NDUFV1: variants seen among roughly 807,000 people sequenced by gnomAD.
The protein encoded by NDUFV1 is NADH:ubiquinone oxidoreductase core subunit V1.
NDUFV1 carries 41 observed loss-of-function variants against 48.7 expected under a neutral mutation model. That is an observed-to-expected ratio of 0.84 (90% confidence interval 0.66 to 1.09). The LOEUF is 1.09. NDUFV1 is among the 50% of genes least tolerant of loss of function. The pLI, the probability that NDUFV1 is intolerant of heterozygous loss-of-function variation, is 0.00. For missense variants in NDUFV1, 580 were observed against 645.4 expected, an observed-to-expected ratio of 0.90 and a Z score of 1.10; for synonymous variants, 231 against 259.1, an observed-to-expected ratio of 0.89 and a Z score of 1.04.
chr11:67,607,584 C>A, intron 1 of NDUFV1: 2 of 431,346 alleles, frequency 4.6e-6, no homozygotes, highest in East Asian at 7.1e-5. Context: ...ATTTCTTTCC[C>A]ATCAGTAAAC....
chr11:67,609,753 G>A (rs1854878396), intron 4 of NDUFV1, 118 bp downstream of exon 4: 1 of 1,233,074 alleles, frequency 8.1e-7, no homozygotes, highest in South Asian at 1.2e-5. Flanking sequence ...TGAACTGGGG[G>A]AGTGGTGGCC....
In NDUFV1 at chr11:67,611,850, G is replaced by C; in HGVS notation, c.1081-47G>C. The C allele has an allele frequency of 1.2e-6, 2 of 1,603,812 alleles. No homozygotes were observed. Among genetic ancestry groups the C allele is most frequent in the East Asian group, 4.5e-5 (2 of 44,774 alleles). ...CTGCTGCTAGGGGGCTGAGGCCCAG[G>C]CTTCTGTCTGGCCGTGGGTGCCTGC... is the stretch of plus-strand genomic sequence containing the variant. On this transcript the variant is annotated intron_variant, in intron 7 of 9. Coordinates refer to ENST00000322776, the MANE Select transcript of NDUFV1 (RefSeq NM_007103.4). This position sits in a 1 kb window ranked among gnomAD's most constrained non-coding sequence, Gnocchi z 4.2.
Position 67,608,561 on chromosome 11 carries a change from T to C in NDUFV1, c.165T>C (p.Gly55=). ...LYGRHDWRLK[G]SLSRGDWYKT... ...TCCCTATTCTGTCCAGGCTGAAAGG[T>C]TCCCTGAGTCGAGGTGACTGGTACA... is the stretch of plus-strand genomic sequence containing the variant. The change falls in exon 3 of 10, where the codon GGT becomes GGC. Residue 55 remains glycine (G), a synonymous_variant. Transcript: ENST00000322776. 5 of 1,614,126 alleles carry C rather than the reference T, an allele frequency of 3.1e-6. No homozygotes were observed. Among genetic ancestry groups the C allele is most frequent in the Non-Finnish European group, 4.2e-6 (5 of 1,180,014 alleles).
chr11:67,612,340 T>C lies in NDUFV1; in HGVS notation c.1309-32T>C. ...CCAGGGTGTTGGGGGATTTTTGGAC[T>C]CTGTTTCACATGGTCCCCCCACCGA... On this transcript the variant is annotated intron_variant, in intron 9 of 9. Coordinates refer to ENST00000322776, the MANE Select transcript of NDUFV1 (RefSeq NM_007103.4). This position sits in a 1 kb window ranked among gnomAD's most constrained non-coding sequence, Gnocchi z 4.4. The C allele has an allele frequency of 6.2e-7, 1 of 1,613,826 alleles. No homozygotes were observed. Among genetic ancestry groups the C allele is most frequent in the Non-Finnish European group, 8.5e-7 (1 of 1,179,894 alleles).
chr11:67,607,713 T>G (rs7948073), intron 1 of NDUFV1: 149,250 of 348,420 alleles, frequency 0.43, 33,723 homozygotes, highest in African/African-American at 0.59. Flanking sequence ...CTTGTGGGGC[T>G]GTGTGGTGCC....
chr11:67,611,964 C>CCCCA lies in NDUFV1; in HGVS notation c.1149_1152dup (p.Cys385ProfsTer4). Reference sequence around the variant, plus strand: ...AAGCACGAGAGCTGTGGCCAGTGTACCCCATGCCGTGAGGGTGAGCATCGG... The same window carrying CCCCA: ...AAGCACGAGAGCTGTGGCCAGTGTACCCCACCCATGCCGTGAGGGTGAGCATCGG... On this transcript the variant is annotated frameshift_variant, in exon 8 of 10. Transcript: ENST00000322776. LOFTEE classifies it high-confidence loss of function. The surrounding 1 kb of genome is among the most constrained non-coding windows in gnomAD (Gnocchi z 4.2). 6.2e-7 allele frequency: 1 copy of CCCCA among 1,613,984 alleles called. No homozygotes were observed. Among genetic ancestry groups the CCCCA allele is most frequent in the South Asian group, 1.1e-5 (1 of 91,080 alleles).
In NDUFV1 at chr11:67,609,589, A is replaced by G. The variant is rs1430606151; in HGVS notation, c.464A>G (p.Tyr155Cys). 14 of 1,610,608 alleles carry G rather than the reference A, an allele frequency of 8.7e-6. No individual in the cohort carries two copies. Among genetic ancestry groups the G allele is most frequent in the Admixed American group, 3.3e-5 (2 of 60,006 alleles). The change falls in exon 4 of 10, where the codon TAT becomes TGT. Residue 155 changes from tyrosine to cysteine, a missense_variant. Coordinates refer to ENST00000322776, the MANE Select transcript of NDUFV1 (RefSeq NM_007103.4). ...GGRAMGARAAYIYIRGEFYNE... is the reference protein window; with the variant it reads ...GGRAMGARAACIYIRGEFYNE... ...CGGGCCATGGGCGCCCGCGCTGCCT[A>G]TATCTACATCCGAGGGGAATTCTAC...
In NDUFV1 at chr11:67,611,905, C is replaced by T. The variant is rs569662332; in HGVS notation, c.1089C>T (p.Ile363=). The T allele has an allele frequency of 2.5e-5, 41 of 1,614,016 alleles. No individual in the cohort carries two copies. The highest frequency in any genetic ancestry group is 2.4e-4 in the South Asian group (22 of 91,078). ...AVIVMDRSTD[I]VKAIARLIEF... is the part of the protein sequence containing the mutation. Reference sequence around the variant, plus strand: ...TGCCCCTCGTCACCCAGACGGACATCGTGAAAGCCATCGCCCGCCTCATTG... The same window carrying T: ...TGCCCCTCGTCACCCAGACGGACATTGTGAAAGCCATCGCCCGCCTCATTG... The change falls in exon 8 of 10, where the codon ATC becomes ATT. Residue 363 remains isoleucine, a synonymous_variant. Transcript: ENST00000322776. This position sits in a 1 kb window ranked among gnomAD's most constrained non-coding sequence, Gnocchi z 4.2.
Position 67,610,457 on chromosome 11 carries a change from T to C in NDUFV1, c.587T>C (p.Phe196Ser), listed in dbSNP as rs1484696319. The change falls in exon 5 of 10, where the codon TTT becomes TCT. Residue 196 changes from phenylalanine (F) to serine (S), a missense_variant. Coordinates refer to ENST00000322776, the MANE Select transcript of NDUFV1 (RefSeq NM_007103.4). Reference protein sequence around the residue: ...ACGSGYDFDVFVVRGAGAYIC... With the variant: ...ACGSGYDFDVSVVRGAGAYIC... Reference sequence around the variant, plus strand: ...GGCTCTGGCTATGATTTTGACGTGTTTGTGGTGCGCGGGGCTGGGGCCTAC... The same window carrying C: ...GGCTCTGGCTATGATTTTGACGTGTCTGTGGTGCGCGGGGCTGGGGCCTAC... 6.2e-7 allele frequency: 1 copy of C among 1,614,136 alleles called. No homozygotes were observed. Among genetic ancestry groups the C allele is most frequent in the South Asian group, 1.1e-5 (1 of 91,076 alleles).
In NDUFV1 at chr11:67,608,730, TG is replaced by T; in HGVS notation, c.326+9del. 1.2e-6 allele frequency: 2 copies of T among 1,613,282 alleles called. No homozygotes were observed. Among genetic ancestry groups the T allele is most frequent in the Non-Finnish European group, 1.7e-6 (2 of 1,179,808 alleles). ...TAAGCCCTCAGATGGCAGGTGTGTG[TG>T]TGGGGGCGGGGCAGATGTGGCTGTG... On this transcript the variant is annotated intron_variant, in intron 3 of 9. Coordinates refer to ENST00000322776, the MANE Select transcript of NDUFV1 (RefSeq NM_007103.4).
rs1375986510 is a variant in NDUFV1 at position 67,608,675 on chromosome 11, C to T, written c.279C>T (p.Phe93=). Residue 93 remains phenylalanine (F), a synonymous_variant, in exon 3 of 10, where the codon TTC becomes TTT. Coordinates refer to ENST00000322776, the MANE Select transcript of NDUFV1 (RefSeq NM_007103.4). The part of the protein sequence containing the change: ...SGLRGRGGAG[F]PTGLKWSFMN... ...TGAGGGGCCGTGGAGGCGCTGGCTT[C>T]CCCACTGGCCTCAAGTGGAGCTTCA... 3 of 1,614,002 alleles carry T rather than the reference C, an allele frequency of 1.9e-6. No homozygotes were observed. The highest frequency in any genetic ancestry group is 2.5e-6 in the Non-Finnish European group (3 of 1,180,014).
Position 67,610,233 on chromosome 11 carries a change from T to C in NDUFV1, c.511-148T>C, listed in dbSNP as rs546048461. On this transcript the variant is annotated intron_variant, in intron 4 of 9. Transcript: ENST00000322776. The stretch of plus-strand genomic sequence containing the variant: ...TCCAGATCATAGTCAAGTTTTCCAA[T>C]TCGTTTTACTAAGCTAGCAAAATTT... 2.0e-4 allele frequency: 161 copies of C among 789,406 alleles called. 2 individuals carry two copies. The Admixed American group carries it at 3.5e-3, about 17-fold the overall frequency. 48.9% of individuals were successfully genotyped at this position (789,406 alleles called of 1,614,324 possible).
At position 67,612,354 on chromosome 11, in the gene NDUFV1, T is replaced by C. The variant is rs932825405; in HGVS notation, c.1309-18T>C. ...GATTTTTGGACTCTGTTTCACATGG[T>C]CCCCCCACCGACCCCAGGGTCTGAT... On this transcript the variant is annotated intron_variant, in intron 9 of 9. Transcript: ENST00000322776. The surrounding 1 kb of genome is among the most constrained non-coding windows in gnomAD (Gnocchi z 4.4). 1 of 1,613,326 alleles carries C rather than the reference T, an allele frequency of 6.2e-7. No individual in the cohort carries two copies. Among genetic ancestry groups the C allele is most frequent in the Non-Finnish European group, 8.5e-7 (1 of 1,179,850 alleles).
rs751475676 is a variant in NDUFV1, at chr11:67,612,438, G to GC, written c.1378dup (p.Arg460ProfsTer?). The GC allele has an allele frequency of 4.3e-6, 7 of 1,612,032 alleles. No individual in the cohort carries two copies. Among genetic ancestry groups the GC allele is most frequent in the Non-Finnish European group, 5.1e-6 (6 of 1,179,890 alleles). On this transcript the variant is annotated frameshift_variant, in exon 10 of 10. Transcript: ENST00000322776. LOFTEE classifies it high-confidence loss of function. The surrounding 1 kb of genome is among the most constrained non-coding windows in gnomAD (Gnocchi z 4.4). ...GCAGCGGTTTGCCCAGCAGCATCAG[G>GC]CCCGGCAGGCTGCCTCTTAGCCCAC...
At chr11:67,609,029 G>C (rs1302783186) in intron 3 of NDUFV1, among the ~76,000 whole-genome samples, 2 of 152,204 alleles carry the variant, frequency 1.3e-5, no homozygotes, top group Non-Finnish European at 2.9e-5. Flanking sequence ...AATAGGTACA[G>C]TGATATCATG....
chr11:67,610,666 C>A, intron 5 of NDUFV1, 96 bp downstream of exon 5: 1 of 1,506,788 alleles, frequency 6.6e-7, no homozygotes, highest in Non-Finnish European at 9.0e-7. Context: ...TTCTGAGTGG[C>A]TTCCCGGCTG....
At chr11:67,607,724 G>A in intron 1 of NDUFV1, 1 of 342,058 alleles carries the variant, frequency 2.9e-6, no homozygotes, top group Non-Finnish European at 5.8e-6. Context: ...GTGTGGTGCC[G>A]TGATGCAGCT....
chr11:67,608,861 G>A lies in NDUFV1; in HGVS notation c.326+139G>A, dbSNP rs1854859972. Reference sequence around the variant, plus strand: ...ACATGTTCCCAGGCCTTAAATGGATGGGACTTACTCTGTGGACTTCCACAG... The same window carrying A: ...ACATGTTCCCAGGCCTTAAATGGATAGGACTTACTCTGTGGACTTCCACAG... On this transcript the variant is annotated intron_variant, in intron 3 of 9. Transcript: ENST00000322776. 4 of 1,199,450 alleles carry A rather than the reference G, an allele frequency of 3.3e-6. No homozygotes were observed. In the South Asian group the frequency reaches 5.2e-5, roughly 16 times the overall value. 74.3% of individuals were successfully genotyped at this position (1,199,450 alleles called of 1,614,324 possible).
Position 67,612,517 on chromosome 11 carries a change from G to A in NDUFV1, c.*59G>A, listed in dbSNP as rs1387363804. 3.2e-5 allele frequency: 50 copies of A among 1,547,834 alleles called. No homozygotes were observed. Among genetic ancestry groups the A allele is most frequent in the Non-Finnish European group, 4.2e-5 (48 of 1,137,120 alleles). ...CATGTGGAATGCTGGACAATAAAGC[G>A]AGTGCTGCCCACCCTCCAGCTGCCG... On this transcript the variant is annotated 3_prime_UTR_variant, in exon 10 of 10. Transcript: ENST00000322776. This position sits in a 1 kb window ranked among gnomAD's most constrained non-coding sequence, Gnocchi z 4.4.
Sources: gnomAD v4.1 joint callset for allele counts (sites outside exome capture counted in the v4.1 genomes callset) on GRCh38, gnomAD v4.1.1 for gene constraint, Gnocchi (gnomAD v3.1) non-coding constraint, MANE v1.5 for transcripts, NCBI Gene and HGNC (gene_info 2026-07-23, HGNC 2026-07-21) for gene names.